The following FGF12 variants were observed in gnomAD, a reference collection of about 807,000 sequenced individuals.
FGF12 encodes fibroblast growth factor 12.
A neutral mutation model predicts 23.6 loss-of-function variants in FGF12; 14 were observed. The ratio of observed to expected loss-of-function variants is 0.59; its 90% CI spans 0.39 to 0.93. The LOEUF (loss-of-function observed/expected upper bound fraction) is 0.93, where lower values mean the gene tolerates loss of function less well. FGF12 is among the 40% of genes least tolerant of loss of function. The pLI, the probability that FGF12 is intolerant of heterozygous loss-of-function variation, is 0.00. For synonymous variants in FGF12, 62 were observed against 77.3 expected (o/e 0.80, Z 1.04); for missense variants, 175 against 217.8 (o/e 0.80, Z 1.24).
chr3:192,596,094 AAATATAATATAATATAATAT>A (rs58052704), intron 2 of FGF12, among the ~76,000 whole-genome samples: 15 of 99,478 alleles, frequency 1.5e-4, no homozygotes, highest in African/African-American at 4.2e-4. Context: ...CCTGACTCAA[AAATATAATATAATATAATAT>A]AATATAATAT....
At position 192,422,314 on chromosome 3, in the gene FGF12, C is replaced by T. The variant is rs76178995; in HGVS notation, c.14-61776G>A. 4.0e-3 allele frequency among the ~76,000 whole-genome samples: 613 copies of T among 152,174 alleles called. 1 individual carries two copies. Among genetic ancestry groups the T allele is most frequent in the Non-Finnish European group, 6.5e-3 (443 of 67,998 alleles). On this transcript the variant is annotated intron_variant, in intron 2 of 5. Transcript: ENST00000445105. ...TCCTTATTCTTAAAATGAGATTAAC[C>T]AGATGATTGCTAAGGTCTCTTTCTA...
chr3:192,300,105 A>C (rs1052697801), intron 4 of FGF12, among the ~76,000 whole-genome samples: 1 of 152,174 alleles, frequency 6.6e-6, no homozygotes, highest in African/African-American at 2.4e-5. Flanking sequence ...GAGCACAGGC[A>C]ATCCCTTCTG....
At chr3:192,189,235 T>A (rs1440408301) in intron 4 of FGF12, among the ~76,000 whole-genome samples, 1 of 152,208 alleles carries the variant, frequency 6.6e-6, no homozygotes, top group Non-Finnish European at 1.5e-5. Context: ...TTACTTCCCA[T>A]ACTTGGAGGA....
At chr3:192,662,031 G>A (rs1716689141) in intron 2 of FGF12, among the ~76,000 whole-genome samples, 1 of 152,154 alleles carries the variant, frequency 6.6e-6, no homozygotes, top group Non-Finnish European at 1.5e-5. Context: ...TACTGCATCT[G>A]ACTCAGCCTG....
intron 4 of FGF12, among the ~76,000 whole-genome samples, chr3:192,216,149 T>C (rs1478764428): frequency 2.6e-5 from 4 of 151,368 alleles, no homozygotes; most frequent in African/African-American, 7.4e-5. Flanking sequence ...ATGTAGTGTA[T>C]TGTTATATTC....
chr3:192,566,441 G>A (rs563864126), intron 2 of FGF12, among the ~76,000 whole-genome samples: 25 of 152,352 alleles, frequency 1.6e-4, no homozygotes, highest in Non-Finnish European at 2.8e-4. Flanking sequence ...CATAAGGCTG[G>A]AGAGTATAGA....
At chr3:192,281,183 C>T (rs572213341) in intron 4 of FGF12, among the ~76,000 whole-genome samples, 2 of 152,250 alleles carry the variant, frequency 1.3e-5, no homozygotes, top group South Asian at 4.1e-4. Flanking sequence ...AAAACCAAAA[C>T]GTCAGCAAGG....
intron 2 of FGF12, among the ~76,000 whole-genome samples, chr3:192,539,783 CT>C (rs1196293010): frequency 2.0e-5 from 3 of 151,900 alleles, no homozygotes; most frequent in East Asian, 3.9e-4. Context: ...AGGTTCCAGG[CT>C]TTTCGTTGCT....
At chr3:192,604,362 T>C (rs1714248703) in intron 2 of FGF12, among the ~76,000 whole-genome samples, 1 of 152,194 alleles carries the variant, frequency 6.6e-6, no homozygotes, top group Admixed American at 6.5e-5. Flanking sequence ...AAGATAGGCA[T>C]AAGAAATTAT....
At chr3:192,407,968 A>C in intron 2 of FGF12, 1 of 1,513,698 alleles carries the variant, frequency 6.6e-7, no homozygotes, top group Non-Finnish European at 8.8e-7. Flanking sequence ...AGGTGCTTTG[A>C]GGAGGGAGAA....
In FGF12 at chr3:192,621,620, G is replaced by A. The variant is rs144385374; in HGVS notation, c.13+105561C>T. ...AGATATTCTTATTGATGAGAAAATT[G>A]TGTCTTTTGTTTAGGGAAGTAGCAG... On this transcript the variant is annotated intron_variant, in intron 2 of 5. Coordinates refer to ENST00000445105, the MANE Select transcript of FGF12 (RefSeq NM_004113.6). 4.3e-5 allele frequency among the ~76,000 whole-genome samples: 6 copies of A among 140,080 alleles called. No individual in the cohort carries two copies. In the East Asian group the frequency reaches 1.3e-3, roughly 31 times the overall value. The allele number at this position is 140,080 out of a possible 152,430, so 91.9% of individuals were successfully genotyped here. A position where few individuals can be genotyped will look rare whatever the true frequency, so the allele number is the denominator to read the frequency against.
intron 3 of FGF12, among the ~76,000 whole-genome samples, chr3:192,339,488 T>C (rs1344090560): frequency 1.3e-5 from 2 of 152,166 alleles, no homozygotes; most frequent in African/African-American, 4.8e-5. Flanking sequence ...TTCCAGCTTA[T>C]CACCTGTCAC....
chr3:192,201,666 T>C (rs35543303), intron 4 of FGF12, among the ~76,000 whole-genome samples: 13,795 of 152,198 alleles, frequency 0.091, 673 homozygotes, highest in East Asian at 0.13. Context: ...TCTATTAGCC[T>C]AGGAACTCAT....
intron 3 of FGF12, among the ~76,000 whole-genome samples, chr3:192,344,765 T>A (rs1717870718): frequency 6.6e-6 from 1 of 152,192 alleles, no homozygotes; most frequent in South Asian, 2.1e-4. Flanking sequence ...CCTGATAATA[T>A]CATATAACCT....
At chr3:192,150,160 T>C (rs993349406) in intron 5 of FGF12, among the ~76,000 whole-genome samples, 3 of 67,850 alleles carry the variant, frequency 4.4e-5, no homozygotes, top group Non-Finnish European at 6.1e-5. Context: ...TTTGATGGGG[T>C]TGTTTGTTTT....
Position 192,497,482 on chromosome 3 carries a change from G to A in FGF12, c.14-136944C>T, listed in dbSNP as rs370494921. Among the ~76,000 whole-genome samples, 23 of 152,298 alleles carry A rather than the reference G, an allele frequency of 1.5e-4. 1 individual carries two copies. The South Asian group carries it at 3.9e-3, about 26-fold the overall frequency. ...ATAAATGTAAATGGCTCATGCCACC[G>A]TTGTCCAAAATCCTTCCATGACTTC... is the stretch of plus-strand genomic sequence containing the variant. On this transcript the variant is annotated intron_variant, in intron 2 of 5. Transcript: ENST00000445105.
chr3:192,499,510 A>G (rs866876576), intron 2 of FGF12, among the ~76,000 whole-genome samples: 3 of 37,866 alleles, frequency 7.9e-5, no homozygotes, highest in African/African-American at 2.5e-4. Context: ...ATATATATAT[A>G]TATATATTTT....
At chr3:192,173,603 A>G (rs1715693175) in intron 4 of FGF12, among the ~76,000 whole-genome samples, 1 of 152,170 alleles carries the variant, frequency 6.6e-6, no homozygotes, top group African/African-American at 2.4e-5. Context: ...TTTAAAAACA[A>G]ACTAATTAAA....
At chr3:192,236,673 C>T (rs1719315860) in intron 4 of FGF12, among the ~76,000 whole-genome samples, 1 of 152,058 alleles carries the variant, frequency 6.6e-6, no homozygotes, top group East Asian at 1.9e-4. Flanking sequence ...AATAGCCACA[C>T]CTGCTCTTTC....
Sources: gnomAD v4.1 joint callset for allele counts (sites outside exome capture counted in the v4.1 genomes callset) on GRCh38, gnomAD v4.1.1 for gene constraint, MANE v1.5 for transcripts, NCBI Gene and HGNC (gene_info 2026-07-23, HGNC 2026-07-21) for gene names.